The following CELF2 variants were observed in gnomAD, a reference collection of about 807,000 sequenced individuals.
CELF2 encodes the protein CUGBP Elav-like family member 2.
CELF2 carries 8 observed loss-of-function variants against 62.6 expected under a neutral mutation model. The observed-to-expected ratio is 0.13, with a 90% CI of 0.07 to 0.23. The LOEUF (loss-of-function observed/expected upper bound fraction) is 0.23, where lower values mean the gene tolerates loss of function less well. Ranked by LOEUF, CELF2 falls within the 10% of genes least tolerant of loss-of-function variation. The pLI is 1.00. For missense variants in CELF2, 333 were observed against 671.0 expected (o/e 0.50, Z 5.56); for synonymous variants, 258 against 250.0 (o/e 1.03, Z -0.30).
intron 2 of CELF2, among the ~76,000 whole-genome samples, chr10:10,933,817 A>T (rs1013703823): frequency 2.0e-5 from 3 of 152,164 alleles, no homozygotes; most frequent in African/African-American, 7.2e-5. Flanking sequence ...GTGTATATAT[A>T]CCACATTTTC....
the CELF2 span, among the ~76,000 whole-genome samples, chr10:10,774,481 G>A: frequency 6.6e-6 from 1 of 152,164 alleles, no homozygotes; most frequent in Non-Finnish European, 1.5e-5. Flanking sequence ...TCGCTTTGGT[G>A]CCGTTCTCAT....
intron 2 of CELF2, among the ~76,000 whole-genome samples, chr10:10,971,952 G>A (rs927045101): frequency 4.6e-5 from 7 of 152,060 alleles, no homozygotes; most frequent in African/African-American, 1.4e-4. Flanking sequence ...AAATAAAATA[G>A]GTATATAATT....
intron 2 of CELF2, among the ~76,000 whole-genome samples, chr10:10,956,715 C>T (rs561741860): frequency 5.3e-5 from 8 of 152,096 alleles, no homozygotes; most frequent in African/African-American, 1.9e-4. Context: ...TTGCTTGAAG[C>T]CAGGAGTTCA....
the CELF2 span, among the ~76,000 whole-genome samples, chr10:10,694,274 G>C: frequency 6.6e-6 from 1 of 152,046 alleles, no homozygotes; most frequent in Admixed American, 6.6e-5. Context: ...TGTGTACCCA[G>C]TAGTCATTCA....
chr10:11,237,319 C>T lies in CELF2; in HGVS notation c.355-11834C>T, dbSNP rs372124903. 9.9e-5 allele frequency among the ~76,000 whole-genome samples: 15 copies of T among 152,276 alleles called. No homozygotes were observed. Among genetic ancestry groups the T allele is most frequent in the African/African-American group, 3.4e-4 (14 of 41,558 alleles). ...GAAGCTGGAAGAGCTGCCCCCATCC[C>T]GGGGTTGATGTCCCCATAAGCCGTG... is the stretch of plus-strand genomic sequence containing the variant. On this transcript the variant is annotated intron_variant, in intron 3 of 12. Transcript: ENST00000633077. This position sits in a 1 kb window ranked among gnomAD's most constrained non-coding sequence, Gnocchi z 4.0.
At chr10:10,676,890 T>C in the CELF2 span, among the ~76,000 whole-genome samples, 3 of 152,236 alleles carry the variant, frequency 2.0e-5, no homozygotes, top group Non-Finnish European at 2.9e-5. Flanking sequence ...AGACTCTTAA[T>C]AACCAAGAAT....
chr10:10,733,704 C>T, the CELF2 span, among the ~76,000 whole-genome samples: 3 of 152,208 alleles, frequency 2.0e-5, no homozygotes, highest in South Asian at 2.1e-4. Flanking sequence ...AGGAGTTTCC[C>T]CTTATAAAAC....
At chr10:10,935,856 T>C (rs1264831819) in intron 2 of CELF2, among the ~76,000 whole-genome samples, 1 of 152,092 alleles carries the variant, frequency 6.6e-6, no homozygotes, top group Non-Finnish European at 1.5e-5. Context: ...TTGACTTTTG[T>C]AAAGTAGAAA....
the CELF2 span, among the ~76,000 whole-genome samples, chr10:10,698,443 G>T: frequency 6.6e-6 from 1 of 152,120 alleles, no homozygotes; most frequent in Non-Finnish European, 1.5e-5. Flanking sequence ...ACCTATGAAA[G>T]TACTTAGCAA....
At chr10:10,913,379 CTTTTTTT>C (rs34163796) in intron 1 of CELF2, among the ~76,000 whole-genome samples, 45 of 57,356 alleles carry the variant, frequency 7.8e-4, no homozygotes, top group Admixed American at 2.9e-3. Context: ...GTAATGATGT[CTTTTTTT>C]TTTTTTTTTT....
the CELF2 span, among the ~76,000 whole-genome samples, chr10:10,472,486 A>C: frequency 6.6e-6 from 1 of 151,832 alleles, no homozygotes; most frequent in Non-Finnish European, 1.5e-5. Flanking sequence ...TACTTTTTAA[A>C]ATTATTTGAA....
At chr10:10,702,009 C>A in the CELF2 span, among the ~76,000 whole-genome samples, 1 of 152,188 alleles carries the variant, frequency 6.6e-6, no homozygotes, top group African/African-American at 2.4e-5. Context: ...TACCGATATT[C>A]CCAAATAACA....
rs1448422048 is a variant in CELF2, at chr10:11,300,599, T to C, written c.976+12047T>C. Among the ~76,000 whole-genome samples, 2 of 151,794 alleles carry C rather than the reference T, an allele frequency of 1.3e-5. No homozygotes were observed. The highest frequency in any genetic ancestry group is 3.9e-4 in the East Asian group (2 of 5,170). On this transcript the variant is annotated intron_variant, in intron 9 of 12. Transcript: ENST00000633077. This position sits in a 1 kb window ranked among gnomAD's most constrained non-coding sequence, Gnocchi z 5.5. ...AGGGACTAAATTAAAATGAAAGGTG[T>C]GGTTATTGTGGAATAATTAGGCCTC...
intron 8 of CELF2, among the ~76,000 whole-genome samples, chr10:11,276,132 G>A (rs1444165179): frequency 6.6e-6 from 1 of 151,822 alleles, no homozygotes; most frequent in African/African-American, 2.4e-5. Context: ...ATGTATCCTT[G>A]GGGTTTGTTT....
chr10:10,884,734 CTTGAGG>C (rs1244627183), intron 1 of CELF2, among the ~76,000 whole-genome samples: 1 of 152,176 alleles, frequency 6.6e-6, no homozygotes, highest in East Asian at 1.9e-4. Context: ...TTTTCCTGAA[CTTGAGG>C]AAATCTGGAC....
intron 1 of CELF2, among the ~76,000 whole-genome samples, chr10:11,060,241 C>T (rs1222183409): frequency 1.3e-5 from 2 of 152,206 alleles, no homozygotes; most frequent in African/African-American, 4.8e-5. Flanking sequence ...CCATTCAATA[C>T]AGCCCCTAGG....
In CELF2 at chr10:11,242,322, C is replaced by A. The variant is rs1196771394; in HGVS notation, c.355-6831C>A. On this transcript the variant is annotated intron_variant, in intron 3 of 12. Transcript: ENST00000633077. This position sits in a 1 kb window ranked among gnomAD's most constrained non-coding sequence, Gnocchi z 4.8. Reference sequence around the variant, plus strand: ...GGTTCAACAAGTTCCAACATGAGTTCTCCTGTGTGTGAGGAGCCAGCTGTG... The same window carrying A: ...GGTTCAACAAGTTCCAACATGAGTTATCCTGTGTGTGAGGAGCCAGCTGTG... Among the ~76,000 whole-genome samples the A allele has an allele frequency of 1.3e-5, 2 of 152,194 alleles. No homozygotes were observed. Among genetic ancestry groups the A allele is most frequent in the African/African-American group, 4.8e-5 (2 of 41,440 alleles).
intron 1 of CELF2, among the ~76,000 whole-genome samples, chr10:10,881,960 G>A (rs1370936678): frequency 7.2e-5 from 11 of 152,192 alleles, no homozygotes; most frequent in Admixed American, 7.2e-4. Flanking sequence ...CCTTTTGTAT[G>A]TAGTATTACT....
intron 1 of CELF2, among the ~76,000 whole-genome samples, chr10:10,878,308 G>A (rs1348959907): frequency 1.3e-5 from 2 of 152,192 alleles, no homozygotes; most frequent in African/African-American, 4.8e-5. Flanking sequence ...ATCTCCCTGG[G>A]CTAATCTGGT....
Sources: allele counts gnomAD v4.1 joint callset (sites outside exome capture counted in the v4.1 genomes callset), GRCh38; gene constraint gnomAD v4.1.1; non-coding constraint Gnocchi (gnomAD v3.1); transcripts MANE v1.5; gene names NCBI Gene and HGNC (gene_info 2026-07-23, HGNC 2026-07-21).